Variants in RHPN1 observed in about 807,000 individuals in gnomAD.
The protein encoded by RHPN1 is rhophilin Rho GTPase binding protein 1, also known as rhophilin-1.
RHPN1 carries 77 observed loss-of-function variants against 74.7 expected under a neutral mutation model. The observed-to-expected ratio is 1.03, with a 90% CI of 0.86 to 1.25. The LOEUF (loss-of-function observed/expected upper bound fraction) is 1.25. Among genes scored for constraint, RHPN1 ranks in the 50% most tolerant of loss-of-function variants. RHPN1 has a pLI of 0.00. For synonymous variants in RHPN1, 444 were observed against 414.5 expected, an observed-to-expected ratio of 1.07 and a Z score of -0.87; for missense variants, 987 against 932.2, an observed-to-expected ratio of 1.06 and a Z score of -0.77.
upstream of RHPN1, chr8:143,367,962 C>A (rs935226304): frequency 6.6e-6 from 1 of 152,428 alleles, no homozygotes; most frequent in African/African-American, 2.4e-5. Context: ...GCTGTGCAGT[C>A]TCAGGTCGTC....
intron 1 of RHPN1, 63 bp from the exon 2 acceptor site, chr8:143,375,490 C>T (rs1340452963): frequency 8.5e-6 from 10 of 1,173,342 alleles, no homozygotes; most frequent in Admixed American, 5.3e-5. Context: ...CAGTGGCTGG[C>T]GAGGCGCAGC....
Position 143,378,356 on chromosome 8 carries a change from T to TCGGGGGGGGGGGGGGGG in RHPN1, c.459+11_459+12insGGGGGGGGGGGGGGGGC. On this transcript the variant is annotated intron_variant, in intron 5 of 14. Coordinates refer to ENST00000289013, the MANE Select transcript of RHPN1 (RefSeq NM_052924.3). ...GGAGGCCCTGCGGCAGGTGTGTGGT[T>TCGGGGGGGGGGGGGGGG]CCCCCGCCCACCCACCCTCCTGCAG... 5 of 1,525,418 alleles carry TCGGGGGGGGGGGGGGGG rather than the reference T, an allele frequency of 3.3e-6. No homozygotes were observed. The highest frequency in any genetic ancestry group is 3.5e-6 in the Non-Finnish European group (4 of 1,136,330). The allele number at this position is 1,525,418 out of a possible 1,614,324, so 94.5% of individuals were successfully genotyped here. A position where few individuals can be genotyped will look rare whatever the true frequency, so the allele number is the denominator to read the frequency against.
chr8:143,374,806 G>A (rs891624437), intron 1 of RHPN1, among the ~76,000 whole-genome samples: 3 of 152,230 alleles, frequency 2.0e-5, no homozygotes, highest in Non-Finnish European at 4.4e-5. Flanking sequence ...GCTCCAGCAC[G>A]CTGGCACCAC....
At position 143,377,431 on chromosome 8, in the gene RHPN1, G is replaced by A. The variant is rs778983348; in HGVS notation, c.357G>A (p.Glu119=). 1.2e-5 allele frequency: 19 copies of A among 1,613,152 alleles called. No individual in the cohort carries two copies. The South Asian group carries it at 1.8e-4, about 15-fold the overall frequency. The change falls in exon 4 of 15, where the codon GAG becomes GAA. Residue 119 remains glutamate (E), a synonymous_variant. Transcript: ENST00000289013. ...MIPLGLKETK[E]LDWSTPLKEL... ...CCCTGGGCCTGAAGGAGACCAAGGA[G>A]CTGGACTGGTCTACACCGCTGAAGG...
chr8:143,376,769 T>TGTGTGCGTGTGTGC lies in RHPN1; in HGVS notation c.305+117_305+130dup. Reference sequence around the variant, plus strand: ...TGTGTATATGTGTGCATTGTCTGTGTGTGTGCGTGTGTGCATGTGTGTGCA... The same window carrying TGTGTGCGTGTGTGC: ...TGTGTATATGTGTGCATTGTCTGTGTGTGTGCGTGTGTGCGTGTGCGTGTGTGCATGTGTGTGCA... On this transcript the variant is annotated intron_variant, in intron 3 of 14. Transcript: ENST00000289013. 3.3e-6 allele frequency: 4 copies of TGTGTGCGTGTGTGC among 1,226,390 alleles called. No individual in the cohort carries two copies. The South Asian group carries it at 5.7e-5, about 18-fold the overall frequency. The allele number at this position is 1,226,390 out of a possible 1,614,324, so 76.0% of individuals were successfully genotyped here. A position where few individuals can be genotyped will look rare whatever the true frequency, so the allele number is the denominator to read the frequency against.
chr8:143,376,499 C>G, intron 2 of RHPN1, 26 bp from the exon 3 acceptor site: 1 of 1,610,432 alleles, frequency 6.2e-7, no homozygotes, highest in Non-Finnish European at 8.5e-7. Context: ...TGGGGCTGGG[C>G]TTTCAACTGC....
At chr8:143,378,184 T>G (rs1818413028) in intron 4 of RHPN1, 85 bp from the exon 5 acceptor site, 11 of 1,141,550 alleles carry the variant, frequency 9.6e-6, no homozygotes, top group Non-Finnish European at 1.4e-5. Flanking sequence ...CCACCATGAG[T>G]CTTTTCCCAA....
chr8:143,378,277 C>G lies in RHPN1; in HGVS notation c.390C>G (p.Ile130Met). ...CACCTGCCCCCCATCAGGAGCTGAT[C>G]TCAGTGCACTTTGGAGAGGACGGCG... ...LDWSTPLKELISVHFGEDGAS... is the reference protein window; with the variant it reads ...LDWSTPLKELMSVHFGEDGAS... The change falls in exon 5 of 15, where the codon ATC becomes ATG. Residue 130 changes from isoleucine to methionine, a missense_variant. Transcript: ENST00000289013. The G allele has an allele frequency of 6.4e-7, 1 of 1,572,834 alleles. No individual in the cohort carries two copies. The highest frequency in any genetic ancestry group is 1.4e-5 in the African/African-American group (1 of 73,918).
intron 1 of RHPN1, among the ~76,000 whole-genome samples, chr8:143,374,776 C>T (rs889044618): frequency 3.3e-5 from 5 of 152,338 alleles, no homozygotes; most frequent in East Asian, 1.9e-4. Context: ...GAAACTGGAT[C>T]TCCCTAGAGT....
rs1234833342 is a variant in RHPN1 at position 143,379,373 on chromosome 8, T to C, written c.810T>C (p.Ala270=). 14 of 1,601,510 alleles carry C rather than the reference T, an allele frequency of 8.7e-6. No homozygotes were observed. The highest frequency in any genetic ancestry group is 9.4e-6 in the Non-Finnish European group (11 of 1,174,458). The change falls in exon 8 of 15, where the codon GCT becomes GCC. Residue 270 remains alanine, a synonymous_variant. Coordinates refer to ENST00000289013, the MANE Select transcript of RHPN1 (RefSeq NM_052924.3). The stretch of plus-strand genomic sequence containing the variant: ...ATGCGCCGAGCCCAGACATGAGCGC[T>C]GCGTCCCTCTGCGCACTGGAGCAGC... ...FSHAPSPDMS[A]ASLCALEQLM... is the part of the protein sequence containing the mutation.
chr8:143,379,653 G>C (rs1563800713), intron 8 of RHPN1, 145 bp downstream of exon 8: 2 of 1,444,480 alleles, frequency 1.4e-6, no homozygotes, highest in South Asian at 2.9e-5. Flanking sequence ...GGGGGGGCTG[G>C]TCAGGAACCT....
At chr8:143,380,352 A>C in intron 10 of RHPN1, 177 bp downstream of exon 10, 1 of 667,978 alleles carries the variant, frequency 1.5e-6, no homozygotes, top group African/African-American at 1.8e-5. Flanking sequence ...CAGGGGCCCC[A>C]GGAGTGCTGG....
Position 143,376,698 on chromosome 8 carries a change from C to T in RHPN1, c.305+45C>T, listed in dbSNP as rs755931297. On this transcript the variant is annotated intron_variant, in intron 3 of 14. Coordinates refer to ENST00000289013, the MANE Select transcript of RHPN1 (RefSeq NM_052924.3). ...CAGCACGTGCGTGTATGTGTGTGCACGTGTGCGTGTGTGTGTGCATGTGTG... is the reference window on the plus strand; with the variant it reads ...CAGCACGTGCGTGTATGTGTGTGCATGTGTGCGTGTGTGTGTGCATGTGTG... 64 of 1,513,604 alleles carry T rather than the reference C, an allele frequency of 4.2e-5. No homozygotes were observed. The Middle Eastern group carries it at 5.8e-4, about 14-fold the overall frequency. 93.8% of individuals were successfully genotyped at this position (1,513,604 alleles called of 1,614,324 possible). A position where few individuals can be genotyped will look rare whatever the true frequency, so the allele number is the denominator to read the frequency against.
chr8:143,378,358 C>A lies in RHPN1; in HGVS notation c.459+12C>A. On this transcript the variant is annotated intron_variant, in intron 5 of 14. Coordinates refer to ENST00000289013, the MANE Select transcript of RHPN1 (RefSeq NM_052924.3). ...AGGCCCTGCGGCAGGTGTGTGGTTC[C>A]CCCGCCCACCCACCCTCCTGCAGCC... 1.3e-6 allele frequency: 1 copy of A among 753,668 alleles called. No homozygotes were observed. Among genetic ancestry groups the A allele is most frequent in the South Asian group, 1.4e-5 (1 of 69,446 alleles). The allele number at this position is 753,668 out of a possible 1,614,324, so 46.7% of individuals were successfully genotyped here. A position where few individuals can be genotyped will look rare whatever the true frequency, so the allele number is the denominator to read the frequency against.
chr8:143,378,357 C>CGGGGGGGGGGGCCG lies in RHPN1; in HGVS notation c.459+11_459+12insGGGGGGGGGGGCCG. 6.6e-7 allele frequency: 1 copy of CGGGGGGGGGGGCCG among 1,520,942 alleles called. No homozygotes were observed. The highest frequency in any genetic ancestry group is 8.9e-7 in the Non-Finnish European group (1 of 1,127,158). The allele number at this position is 1,520,942 out of a possible 1,614,324, so 94.2% of individuals were successfully genotyped here. The stretch of plus-strand genomic sequence containing the variant: ...GAGGCCCTGCGGCAGGTGTGTGGTT[C>CGGGGGGGGGGGCCG]CCCCGCCCACCCACCCTCCTGCAGC... On this transcript the variant is annotated intron_variant, in intron 5 of 14. Coordinates refer to ENST00000289013, the MANE Select transcript of RHPN1 (RefSeq NM_052924.3).
At chr8:143,376,905 C>T (rs902711168) in intron 3 of RHPN1, among the ~76,000 whole-genome samples, 2 of 110,750 alleles carry the variant, frequency 1.8e-5, no homozygotes, top group East Asian at 2.8e-4. Context: ...TCTGTGTGCG[C>T]GTGTGTCTGT....
chr8:143,379,647 G>A, intron 8 of RHPN1, 139 bp downstream of exon 8: 1 of 1,444,354 alleles, frequency 6.9e-7, no homozygotes, highest in Non-Finnish European at 9.1e-7. Context: ...CTCCCTGGGG[G>A]GGCTGGTCAG....
chr8:143,382,425 C>T lies in RHPN1; in HGVS notation c.1798-11C>T, dbSNP rs1236441481. ...GTGGCTGACCACAGTCTGTCTCTGT[C>T]CCTGCTGCAGGGGGACCGCCGGCCC... On this transcript the variant is annotated splice_polypyrimidine_tract_variant and intron_variant, in intron 14 of 14. Coordinates refer to ENST00000289013, the MANE Select transcript of RHPN1 (RefSeq NM_052924.3). 6.4e-7 allele frequency: 1 copy of T among 1,551,830 alleles called. No homozygotes were observed. The highest frequency in any genetic ancestry group is 1.2e-5 in the South Asian group (1 of 84,296).
rs184249058 is a variant in RHPN1, at chr8:143,378,752, C to G, written c.516C>G (p.Tyr172Ter). The change falls in exon 6 of 15, where the codon TAC becomes TAG. Residue 172 changes from tyrosine to a stop codon, truncating the protein, a stop_gained. Transcript: ENST00000289013. LOFTEE classifies it high-confidence loss of function. ...GCCTGGAGCTGCTCACAGCCTATTA[C>G]AACCAGCTGTGCTTCCTGGATGCGC... Reference protein sequence around the residue: ...ESGLELLTAYYNQLCFLDARF... With the variant: ...ESGLELLTAY 1 of 1,587,284 alleles carries G rather than the reference C, an allele frequency of 6.3e-7. No individual in the cohort carries two copies.
Sources: allele counts gnomAD v4.1 joint callset (sites outside exome capture counted in the v4.1 genomes callset), GRCh38; gene constraint gnomAD v4.1.1; transcripts MANE v1.5; gene names NCBI Gene and HGNC (gene_info 2026-07-23, HGNC 2026-07-21).